ACOT7: variants seen among roughly 807,000 people sequenced by gnomAD.
ACOT7 encodes acyl-CoA thioesterase 7.
Under a neutral mutation model 40.2 loss-of-function variants are expected in ACOT7, and 12 were observed. That is an observed-to-expected ratio of 0.30 (90% CI 0.19 to 0.48). ACOT7 has a LOEUF of 0.48. Among genes scored for constraint, ACOT7 ranks in the 20% least tolerant of loss-of-function variants. The probability of loss-of-function intolerance (pLI) is 0.99; values close to 1 mark genes in which losing one functional copy is unlikely to be tolerated. For missense variants in ACOT7, 395 were observed against 530.8 expected, an observed-to-expected ratio of 0.74 and a Z score of 2.51; for synonymous variants, 228 against 219.5, an observed-to-expected ratio of 1.04 and a Z score of -0.34.
At chr1:6,373,416 AT>A (rs1642170442) in intron 1 of ACOT7, among the ~76,000 whole-genome samples, 2 of 151,870 alleles carry the variant, frequency 1.3e-5, no homozygotes, top group South Asian at 4.2e-4. Context: ...CACCCAGCTA[AT>A]TTTTTATATT....
rs574515893 is a variant in ACOT7, at chr1:6,381,862, C to T, written c.143+11395G>A. ...TAAAAGGAAGGGAATGAGCCGGGCGCGGTGGCTCACGCCTGTAATCCCAGC... is the reference window on the plus strand; with the variant it reads ...TAAAAGGAAGGGAATGAGCCGGGCGTGGTGGCTCACGCCTGTAATCCCAGC... On this transcript the variant is annotated intron_variant, in intron 1 of 8. Transcript: ENST00000361521. 4.6e-5 allele frequency among the ~76,000 whole-genome samples: 7 copies of T among 151,980 alleles called. No homozygotes were observed. In the South Asian group the frequency reaches 1.5e-3, roughly 32 times the overall value.
chr1:6,338,835 A>T lies in ACOT7; in HGVS notation c.418+598T>A, dbSNP rs1303635899. Among the ~76,000 whole-genome samples, 3 of 152,126 alleles carry T rather than the reference A, an allele frequency of 2.0e-5. No individual in the cohort carries two copies. The highest frequency in any genetic ancestry group is 2.9e-5 in the Non-Finnish European group (2 of 68,014). ...CCTCCCGTCCCCAGCCTGGGTATAA[A>T]AAGAAGCGTGAGCTGGTGAACACTG... On this transcript the variant is annotated intron_variant, in intron 3 of 8. Coordinates refer to ENST00000361521, the MANE Select transcript of ACOT7 (RefSeq NM_007274.4). This position sits in a 1 kb window ranked among gnomAD's most constrained non-coding sequence, Gnocchi z 4.4.
rs921672041 is a variant in ACOT7 at position 6,288,233 on chromosome 1, C to G, written c.829+6631G>C. On this transcript the variant is annotated intron_variant, in intron 7 of 8. Transcript: ENST00000361521. This position sits in a 1 kb window ranked among gnomAD's most constrained non-coding sequence, Gnocchi z 4.3. Reference sequence around the variant, plus strand: ...GTGCGGGCTCCAGCCTGTCGTGGCCCTCGCGTCCCCAGCACCAACTCCGTT... The same window carrying G: ...GTGCGGGCTCCAGCCTGTCGTGGCCGTCGCGTCCCCAGCACCAACTCCGTT... 7.9e-5 allele frequency among the ~76,000 whole-genome samples: 12 copies of G among 152,240 alleles called. No homozygotes were observed. The highest frequency in any genetic ancestry group is 1.8e-4 in the Non-Finnish European group (12 of 68,034).
intron 1 of ACOT7, among the ~76,000 whole-genome samples, chr1:6,350,816 C>A (rs571084430): frequency 6.1e-4 from 93 of 152,328 alleles, no homozygotes; most frequent in South Asian, 1.4e-3. Context: ...AGCTCCAAGG[C>A]TGAGCAAGTC....
chr1:6,323,581 G>C (rs1026541165), intron 5 of ACOT7, among the ~76,000 whole-genome samples: 1 of 151,668 alleles, frequency 6.6e-6, no homozygotes, highest in Non-Finnish European at 1.5e-5. Context: ...AGCTGGGTGT[G>C]GTGGCACATG....
Position 6,338,198 on chromosome 1 carries a change from G to A in ACOT7, c.418+1235C>T, listed in dbSNP as rs1259053378. Among the ~76,000 whole-genome samples, 1 of 152,146 alleles carries A rather than the reference G, an allele frequency of 6.6e-6. No homozygotes were observed. Among genetic ancestry groups the A allele is most frequent in the African/African-American group, 2.4e-5 (1 of 41,432 alleles). ...GCCCTCACAAGCAGGAAGGTCCTAG[G>A]AAGCAGGAGAGCGCGGCAGGCCATC... On this transcript the variant is annotated intron_variant, in intron 3 of 8. Transcript: ENST00000361521. The surrounding 1 kb of genome is among the most constrained non-coding windows in gnomAD (Gnocchi z 4.4).
intron 6 of ACOT7, among the ~76,000 whole-genome samples, chr1:6,302,127 G>A (rs1639990957): frequency 6.6e-6 from 1 of 152,162 alleles, no homozygotes; most frequent in African/African-American, 2.4e-5. Context: ...AGTGACTCAC[G>A]AGCGGTGGGA....
At chr1:6,290,062 G>A (rs1335630179) in intron 7 of ACOT7, among the ~76,000 whole-genome samples, 1 of 152,222 alleles carries the variant, frequency 6.6e-6, no homozygotes, top group Non-Finnish European at 1.5e-5. Context: ...GGTCCTGTGA[G>A]AGGGAGGCAG....
At position 6,294,448 on chromosome 1, in the gene ACOT7, G is replaced by T. The variant is rs1639756730; in HGVS notation, c.829+416C>A. On this transcript the variant is annotated intron_variant, in intron 7 of 8. Transcript: ENST00000361521. The surrounding 1 kb of genome is among the most constrained non-coding windows in gnomAD (Gnocchi z 4.6). Reference sequence around the variant, plus strand: ...TGGCGTGGGCAGGGCTGGCCGAGGAGGGGCTCCTGCGGGCTTTTCTGTACT... The same window carrying T: ...TGGCGTGGGCAGGGCTGGCCGAGGATGGGCTCCTGCGGGCTTTTCTGTACT... Among the ~76,000 whole-genome samples, 6 of 152,214 alleles carry T rather than the reference G, an allele frequency of 3.9e-5. No individual in the cohort carries two copies. The South Asian group carries it at 1.2e-3, about 32-fold the overall frequency.
Position 6,281,301 on chromosome 1 carries a change from G to A in ACOT7, c.830-15C>T. ...GATGACGCAGCCTGTGGAGAAGGGA[G>A]GGCGGGGGTCAGGGCGGCCTCCACC... On this transcript the variant is annotated splice_polypyrimidine_tract_variant and intron_variant, in intron 7 of 8. Coordinates refer to ENST00000361521, the MANE Select transcript of ACOT7 (RefSeq NM_007274.4). 6 of 1,595,636 alleles carry A rather than the reference G, an allele frequency of 3.8e-6. 1 individual carries two copies. Among genetic ancestry groups the A allele is most frequent in the Non-Finnish European group, 5.1e-6 (6 of 1,176,886 alleles).
rs1450009192 is a variant in ACOT7 at position 6,393,525 on chromosome 1, C to T, written c.-126G>A. ...CCGGCCCCACCCCGAGCCCCGCCTC[C>T]CAGGCCGCCAAGGCTGCAGAGAGCT... On this transcript the variant is annotated 5_prime_UTR_variant, in exon 1 of 9. Coordinates refer to ENST00000361521, the MANE Select transcript of ACOT7 (RefSeq NM_007274.4). 2.2e-6 allele frequency: 2 copies of T among 890,642 alleles called. No individual in the cohort carries two copies. Among genetic ancestry groups the T allele is most frequent in the Non-Finnish European group, 2.9e-6 (2 of 687,170 alleles). The allele number at this position is 890,642 out of a possible 1,614,324, so 55.2% of individuals were successfully genotyped here. A position where few individuals can be genotyped will look rare whatever the true frequency, so the allele number is the denominator to read the frequency against.
In ACOT7 at chr1:6,330,291, G is replaced by A. The variant is rs1245178020; in HGVS notation, c.511-2878C>T. Among the ~76,000 whole-genome samples the A allele has an allele frequency of 3.3e-5, 5 of 152,160 alleles. No homozygotes were observed. The highest frequency in any genetic ancestry group is 5.9e-5 in the Non-Finnish European group (4 of 68,030). On this transcript the variant is annotated intron_variant, in intron 4 of 8. Transcript: ENST00000361521. The surrounding 1 kb of genome is among the most constrained non-coding windows in gnomAD (Gnocchi z 4.6). The stretch of plus-strand genomic sequence containing the variant: ...CAGCAGATGGGCATAAATGCCCATC[G>A]GAGCCAGGGAAGGAAGCTGTACTTT...
chr1:6,270,396 C>G (rs1638995469), intron 8 of ACOT7, among the ~76,000 whole-genome samples: 1 of 152,230 alleles, frequency 6.6e-6, no homozygotes, highest in African/African-American at 2.4e-5. Flanking sequence ...GGACTGGAGC[C>G]TCTGGGGCAC....
intron 2 of ACOT7, among the ~76,000 whole-genome samples, chr1:6,349,186 T>C (rs1641518058): frequency 6.6e-6 from 1 of 152,120 alleles, no homozygotes; most frequent in African/African-American, 2.4e-5. Flanking sequence ...GTCCCCAGCT[T>C]TAGGGTCACA....
chr1:6,337,424 A>G (rs1209838172), intron 3 of ACOT7, among the ~76,000 whole-genome samples: 1 of 152,222 alleles, frequency 6.6e-6, no homozygotes, highest in East Asian at 1.9e-4. Context: ...ATGTCTCAGC[A>G]CTGATGCCCA....
At chr1:6,283,980 G>A (rs1365626616) in intron 7 of ACOT7, among the ~76,000 whole-genome samples, 1 of 152,102 alleles carries the variant, frequency 6.6e-6, no homozygotes. Flanking sequence ...GGGTGACAGA[G>A]CAAGACCCTG....
chr1:6,305,358 G>A (rs571402781), intron 6 of ACOT7, among the ~76,000 whole-genome samples: 19 of 149,588 alleles, frequency 1.3e-4, no homozygotes, highest in Non-Finnish European at 2.5e-4. Context: ...CGGAAGGGGC[G>A]GCTGGCCGGG....
At chr1:6,363,772 G>C (rs1002297483) in intron 1 of ACOT7, among the ~76,000 whole-genome samples, 3 of 151,928 alleles carry the variant, frequency 2.0e-5, no homozygotes, top group African/African-American at 4.8e-5. Context: ...CCAGGCATTC[G>C]GGGACACTAC....
intron 2 of ACOT7, among the ~76,000 whole-genome samples, chr1:6,348,662 C>T (rs930288609): frequency 6.6e-6 from 1 of 152,222 alleles, no homozygotes; most frequent in Non-Finnish European, 1.5e-5. Context: ...TCAACAGACA[C>T]GAAATCTGCC....
Sources: allele counts gnomAD v4.1 joint callset (sites outside exome capture counted in the v4.1 genomes callset), GRCh38; gene constraint gnomAD v4.1.1; non-coding constraint Gnocchi (gnomAD v3.1); transcripts MANE v1.5; gene names NCBI Gene and HGNC (gene_info 2026-07-23, HGNC 2026-07-21).